Variants in NFYC observed in about 807,000 individuals in gnomAD.
NFYC encodes nuclear transcription factor Y subunit gamma, also known as CAAT box DNA-binding protein subunit C.
Under a neutral mutation model 53.1 loss-of-function variants are expected in NFYC, and 25 were observed. The observed-to-expected ratio is 0.47, with a 90% CI of 0.34 to 0.66. NFYC has a LOEUF of 0.66. Ranked by LOEUF, NFYC falls within the 30% of genes least tolerant of loss-of-function variation. NFYC has a pLI of 0.01. For missense variants in NFYC, 260 were observed against 422.7 expected, an observed-to-expected ratio of 0.62 and a Z score of 3.38; for synonymous variants, 145 against 152.6, an observed-to-expected ratio of 0.95 and a Z score of 0.37.
chr1:40,716,487 A>G (rs1305906567), intron 1 of NFYC, among the ~76,000 whole-genome samples: 3 of 152,178 alleles, frequency 2.0e-5, no homozygotes, highest in Non-Finnish European at 4.4e-5. Flanking sequence ...GGAGAAGTAG[A>G]TTGGGTCAGA....
chr1:40,726,742 G>A (rs943406301), intron 1 of NFYC, among the ~76,000 whole-genome samples: 2 of 152,224 alleles, frequency 1.3e-5, no homozygotes, highest in Admixed American at 6.5e-5. Flanking sequence ...TAAGGCAGCA[G>A]TGAAGTTTGT....
chr1:40,754,017 T>G (rs1646068094), intron 5 of NFYC, among the ~76,000 whole-genome samples: 1 of 152,192 alleles, frequency 6.6e-6, no homozygotes, highest in Non-Finnish European at 1.5e-5. Context: ...CTCATTGTTT[T>G]AAGCATGCAG....
intron 1 of NFYC, among the ~76,000 whole-genome samples, chr1:40,719,898 T>C (rs1255410498): frequency 1.3e-5 from 2 of 152,226 alleles, no homozygotes; most frequent in African/African-American, 4.8e-5. Flanking sequence ...GGATAAAGTA[T>C]CTTTATCTGT....
At chr1:40,729,762 G>A (rs1007692017) in intron 1 of NFYC, among the ~76,000 whole-genome samples, 4 of 150,922 alleles carry the variant, frequency 2.7e-5, no homozygotes, top group Admixed American at 2.0e-4. Context: ...TGCAACCTTC[G>A]CCTCCTGGGT....
At chr1:40,728,986 T>A (rs1644645982) in intron 1 of NFYC, among the ~76,000 whole-genome samples, 1 of 152,202 alleles carries the variant, frequency 6.6e-6, no homozygotes, top group Non-Finnish European at 1.5e-5. Flanking sequence ...GCAGTAATAT[T>A]TTCAAAGGAA....
At chr1:40,699,850 A>T (rs1182995673) in intron 1 of NFYC, among the ~76,000 whole-genome samples, 1 of 152,196 alleles carries the variant, frequency 6.6e-6, no homozygotes, top group African/African-American at 2.4e-5. Flanking sequence ...AGGATCCTTG[A>T]CAAAAAATGG....
chr1:40,755,075 G>T (rs571004057), intron 5 of NFYC, among the ~76,000 whole-genome samples: 6 of 152,284 alleles, frequency 3.9e-5, no homozygotes, highest in Admixed American at 3.9e-4. Flanking sequence ...CAAATTGGCT[G>T]GCACCTCCTA....
chr1:40,694,507 A>G (rs888821371), intron 1 of NFYC, among the ~76,000 whole-genome samples: 1 of 152,244 alleles, frequency 6.6e-6, no homozygotes, highest in Non-Finnish European at 1.5e-5. Context: ...AGGGTTTGCC[A>G]TGTATTTTGT....
chr1:40,756,331 G>T (rs1309162377), intron 5 of NFYC, among the ~76,000 whole-genome samples: 1 of 152,152 alleles, frequency 6.6e-6, no homozygotes, highest in East Asian at 1.9e-4. Context: ...AAAATAAAAG[G>T]GAATCTCCTT....
At chr1:40,713,950 T>C (rs1280001706) in intron 1 of NFYC, among the ~76,000 whole-genome samples, 2 of 152,200 alleles carry the variant, frequency 1.3e-5, no homozygotes, top group East Asian at 1.9e-4. Context: ...TAGTGTCCCT[T>C]TGGGATCTGA....
rs1047509015 is a variant in NFYC at position 40,771,094 on chromosome 1, A to G, written c.*266A>G. The G allele has an allele frequency of 2.0e-6, 1 of 512,168 alleles. No individual in the cohort carries two copies. Among genetic ancestry groups the G allele is most frequent in the Non-Finnish European group, 3.5e-6 (1 of 289,302 alleles). 31.7% of individuals were successfully genotyped at this position (512,168 alleles called of 1,614,324 possible). On this transcript the variant is annotated 3_prime_UTR_variant, in exon 10 of 10. Transcript: ENST00000447388. ...TGTGTGTCCAATGCTATGAAATTAA[A>G]ATATTAAATAACATATTTATGGCAT... is the stretch of plus-strand genomic sequence containing the variant.
intron 1 of NFYC, among the ~76,000 whole-genome samples, chr1:40,698,710 T>C (rs1234018906): frequency 1.3e-5 from 2 of 152,038 alleles, no homozygotes; most frequent in African/African-American, 4.8e-5. Context: ...TGAATACCCT[T>C]CATTTAAAGC....
chr1:40,731,518 C>T (rs1644771755), intron 1 of NFYC, among the ~76,000 whole-genome samples: 1 of 148,848 alleles, frequency 6.7e-6, no homozygotes, highest in South Asian at 2.1e-4. Flanking sequence ...CAGAGTCTTG[C>T]TCTGTTGCCA....
At chr1:40,766,327 T>C (rs996693888) in intron 7 of NFYC, 13 of 404,296 alleles carry the variant, frequency 3.2e-5, no homozygotes, top group Non-Finnish European at 5.8e-5. Flanking sequence ...GCAGCCATGC[T>C]GTTCTCACCT....
rs560860959 is a variant in NFYC, at chr1:40,703,674, TGG to T, written c.-9+11810_-9+11811del. Among the ~76,000 whole-genome samples, 82 of 152,236 alleles carry T rather than the reference TGG, an allele frequency of 5.4e-4. 1 individual carries two copies. The highest frequency in any genetic ancestry group is 1.9e-3 in the African/African-American group (78 of 41,526). ...GGATTTGATTTATATCTTTATGCTT[TGG>T]GGATATATGTAGATAAAAATAAAGA... On this transcript the variant is annotated intron_variant, in intron 1 of 9. Coordinates refer to ENST00000447388, the MANE Select transcript of NFYC (RefSeq NM_014223.5).
At chr1:40,719,135 C>T (rs1644245503) in intron 1 of NFYC, among the ~76,000 whole-genome samples, 1 of 152,216 alleles carries the variant, frequency 6.6e-6, no homozygotes, top group South Asian at 2.1e-4. Context: ...TCCCAAAGTG[C>T]TGGGATTACA....
intron 1 of NFYC, among the ~76,000 whole-genome samples, chr1:40,731,599 C>T (rs1644776089): frequency 6.6e-6 from 1 of 152,172 alleles, no homozygotes; most frequent in South Asian, 2.1e-4. Context: ...ATTCCCCCGC[C>T]TCAGCCTCCT....
At chr1:40,738,234 A>G (rs1427417174) in intron 1 of NFYC, among the ~76,000 whole-genome samples, 3 of 151,922 alleles carry the variant, frequency 2.0e-5, no homozygotes, top group Admixed American at 2.0e-4. Flanking sequence ...GACGCTTGCT[A>G]TGTTGCCCAG....
chr1:40,708,900 G>T (rs1461203289), intron 1 of NFYC, among the ~76,000 whole-genome samples: 1 of 152,292 alleles, frequency 6.6e-6, no homozygotes, highest in Non-Finnish European at 1.5e-5. Flanking sequence ...ATAGGATACC[G>T]TAGCAGTATC....
Sources: gnomAD v4.1 joint callset for allele counts (sites outside exome capture counted in the v4.1 genomes callset) on GRCh38, gnomAD v4.1.1 for gene constraint, MANE v1.5 for transcripts, NCBI Gene and HGNC (gene_info 2026-07-23, HGNC 2026-07-21) for gene names.